NUDT12: variants seen among roughly 807,000 people sequenced by gnomAD.
The protein encoded by NUDT12 is nudix hydrolase 12.
NUDT12 carries 42 observed loss-of-function variants against 45.7 expected under a neutral mutation model. The observed-to-expected ratio is 0.92, with a 90% CI of 0.72 to 1.19. NUDT12 has a LOEUF of 1.19. NUDT12 is among the 50% of genes most tolerant of loss of function. The pLI, the probability that NUDT12 is intolerant of heterozygous loss-of-function variation, is 0.00. For synonymous variants in NUDT12, 206 were observed against 179.7 expected (o/e 1.15, Z -1.17); for missense variants, 590 against 533.1 (o/e 1.11, Z -1.05).
chr5:103,554,544 A>G, intron 5 of NUDT12, 196 bp downstream of exon 5: 1 of 292,330 alleles, frequency 3.4e-6, no homozygotes, highest in African/African-American at 2.2e-5. Flanking sequence ...ATTACTAGGA[A>G]AAGTAATTTA....
intron 5 of NUDT12, among the ~76,000 whole-genome samples, chr5:103,552,809 A>G (rs1220368466): frequency 1.3e-5 from 2 of 152,156 alleles, no homozygotes; most frequent in Non-Finnish European, 2.9e-5. Context: ...CTTTCACACT[A>G]AAATTCTGAA....
Position 103,556,061 on chromosome 5 carries a change from G to T in NUDT12, c.834C>A (p.His278Gln), listed in dbSNP as rs774532581. The T allele has an allele frequency of 6.2e-7, 1 of 1,611,606 alleles. No individual in the cohort carries two copies. ...VAQARSVLAWHSRYKFCPTCG... is the reference protein window; with the variant it reads ...VAQARSVLAWQSRYKFCPTCG... ...AGGTTGGGCAAAACTTGTATCGACTGTGCCAGGCAAGAACAGATCTTGCTT... is the reference window on the plus strand; with the variant it reads ...AGGTTGGGCAAAACTTGTATCGACTTTGCCAGGCAAGAACAGATCTTGCTT... Residue 278 changes from histidine to glutamine, a missense_variant, in exon 4 of 7, where the codon CAC becomes CAA. Transcript: ENST00000230792.
chr5:103,556,673 G>A (rs1748831482), intron 3 of NUDT12, among the ~76,000 whole-genome samples: 1 of 152,038 alleles, frequency 6.6e-6, no homozygotes, highest in Non-Finnish European at 1.5e-5. Context: ...ACCAAAAAAT[G>A]CCTAATAGGA....
chr5:103,550,888 G>C lies in NUDT12; in HGVS notation c.1362C>G (p.His454Gln), dbSNP rs763336591. Residue 454 changes from histidine (H) to glutamine (Q), a missense_variant, in exon 7 of 7, where the codon CAC becomes CAG. Physicochemically the swap from His to Gln is conservative, Grantham distance 24 (BLOSUM62 0). Transcript: ENST00000230792. The part of the protein sequence containing the change: ...SRAIAHQLIK[H>Q]WIRINPNL The stretch of plus-strand genomic sequence containing the variant: ...AGAGATTAGGATTTATTCTAATCCA[G>C]TGTTTGATTAATTGATGTGCAATAG... 2 of 1,612,260 alleles carry C rather than the reference G, an allele frequency of 1.2e-6. No individual in the cohort carries two copies. Among genetic ancestry groups the C allele is most frequent in the Admixed American group, 3.3e-5 (2 of 59,900 alleles).
chr5:103,551,519 CG>C (rs1199679377), intron 6 of NUDT12, among the ~76,000 whole-genome samples: 2 of 152,052 alleles, frequency 1.3e-5, no homozygotes, highest in Non-Finnish European at 2.9e-5. Flanking sequence ...AATGACATCA[CG>C]AAAAAGCAAA....
intron 3 of NUDT12, 45 bp from the exon 4 acceptor site, chr5:103,556,143 T>C: frequency 7.2e-7 from 1 of 1,381,050 alleles, no homozygotes. Flanking sequence ...CTGTAAGAAA[T>C]TAAAATCAAT....
intron 3 of NUDT12, 58 bp from the exon 4 acceptor site, chr5:103,556,156 A>G: frequency 8.0e-7 from 1 of 1,257,608 alleles, no homozygotes; most frequent in East Asian, 2.7e-5. Context: ...AAATCAATAT[A>G]TAAGTAAAAT....
chr5:103,562,147 G>C (rs1749051684), intron 1 of NUDT12, among the ~76,000 whole-genome samples: 2 of 152,150 alleles, frequency 1.3e-5, no homozygotes, highest in Non-Finnish European at 2.9e-5. Context: ...AAGAATATTA[G>C]ATGTAAAGGG....
In NUDT12 at chr5:103,550,848, T is replaced by G. The variant is rs1748633272; in HGVS notation, c.*13A>C. ...GAAATTATTAAATAATACTCAAAGC[T>G]TAGTTCTTAGATTTAGAGATTAGGA... On this transcript the variant is annotated 3_prime_UTR_variant, in exon 7 of 7. Transcript: ENST00000230792. 1 of 1,530,222 alleles carries G rather than the reference T, an allele frequency of 6.5e-7. No individual in the cohort carries two copies. The highest frequency in any genetic ancestry group is 1.1e-5 in the South Asian group (1 of 89,388). 94.8% of individuals were successfully genotyped at this position (1,530,222 alleles called of 1,614,324 possible). A position where few individuals can be genotyped will look rare whatever the true frequency, so the allele number is the denominator to read the frequency against.
At chr5:103,557,280 G>GAT (rs10593905) in intron 3 of NUDT12, among the ~76,000 whole-genome samples, 3,056 of 118,896 alleles carry the variant, frequency 0.026, 147 homozygotes, top group African/African-American at 0.071. Context: ...ATCTTAAAAT[G>GAT]ATATATATAT....
rs143442878 is a variant in NUDT12 at position 103,550,620 on chromosome 5, C to G, written c.*241G>C. On this transcript the variant is annotated 3_prime_UTR_variant, in exon 7 of 7. Transcript: ENST00000230792. Reference sequence around the variant, plus strand: ...TAAAACTGTGAAGGAAGAAAAGAAACCAAGAGAGAAAAAGTTCAGAGAAGA... The same window carrying G: ...TAAAACTGTGAAGGAAGAAAAGAAAGCAAGAGAGAAAAAGTTCAGAGAAGA... 1.3e-4 allele frequency: 42 copies of G among 315,970 alleles called. No individual in the cohort carries two copies. The highest frequency in any genetic ancestry group is 8.9e-4 in the African/African-American group (42 of 47,110). The allele number at this position is 315,970 out of a possible 1,614,324, so 19.6% of individuals were successfully genotyped here.
chr5:103,554,922 G>A, intron 4 of NUDT12, 69 bp from the exon 5 acceptor site: 1 of 595,468 alleles, frequency 1.7e-6, no homozygotes, highest in East Asian at 3.0e-5. Flanking sequence ...TACAAACACT[G>A]TCTGATAGGA....
chr5:103,555,639 G>A (rs1372734912), intron 4 of NUDT12, among the ~76,000 whole-genome samples: 4 of 151,956 alleles, frequency 2.6e-5, no homozygotes, highest in Admixed American at 2.6e-4. Flanking sequence ...GCAATAAATT[G>A]TACTTAGTGG....
intron 6 of NUDT12, among the ~76,000 whole-genome samples, chr5:103,551,234 C>T (rs1438822670): frequency 6.6e-6 from 1 of 151,868 alleles, no homozygotes; most frequent in Non-Finnish European, 1.5e-5. Flanking sequence ...GATCCTCCTG[C>T]CACAGCCTCC....
chr5:103,551,711 ATTAT>A (rs1294741204), intron 6 of NUDT12, among the ~76,000 whole-genome samples: 2 of 152,166 alleles, frequency 1.3e-5, no homozygotes, highest in African/African-American at 2.4e-5. Context: ...CTTTTAATAT[ATTAT>A]TTAGGAATGA....
chr5:103,555,592 G>C (rs1012434935), intron 4 of NUDT12, among the ~76,000 whole-genome samples: 1 of 151,952 alleles, frequency 6.6e-6, no homozygotes, highest in African/African-American at 2.4e-5. Flanking sequence ...TGAAAAGCTA[G>C]GGCCAGGCTG....
chr5:103,551,832 TACTG>T (rs1478597139), intron 6 of NUDT12, among the ~76,000 whole-genome samples: 1 of 152,212 alleles, frequency 6.6e-6, no homozygotes, highest in Middle Eastern at 3.2e-3. Flanking sequence ...TTTAAGCACT[TACTG>T]ATGTTTTTTG....
chr5:103,551,054 A>G (rs1234583517), intron 6 of NUDT12, 83 bp from the exon 7 acceptor site: 1 of 954,294 alleles, frequency 1.0e-6, no homozygotes, highest in Non-Finnish European at 1.7e-6. Flanking sequence ...TAATTCAATT[A>G]AAATGTGATG....
In NUDT12 at chr5:103,559,093, G is replaced by A. The variant is rs776756918; in HGVS notation, c.582C>T (p.Ile194=). 3 of 1,612,620 alleles carry A rather than the reference G, an allele frequency of 1.9e-6. No individual in the cohort carries two copies. Among genetic ancestry groups the A allele is most frequent in the Non-Finnish European group, 2.5e-6 (3 of 1,179,360 alleles). ...IKDYLAQPEK[I]TLIFLGVELE... ...GTTCTACTCCAAGAAAAATCAAGGTGATCTTCTCAGGCTGGGCCAAATAAT... is the reference window on the plus strand; with the variant it reads ...GTTCTACTCCAAGAAAAATCAAGGTAATCTTCTCAGGCTGGGCCAAATAAT... The change falls in exon 3 of 7, where the codon ATC becomes ATT. Residue 194 remains isoleucine (I), a synonymous_variant. Coordinates refer to ENST00000230792, the MANE Select transcript of NUDT12 (RefSeq NM_031438.4).
Sources: gnomAD v4.1 joint callset for allele counts (sites outside exome capture counted in the v4.1 genomes callset) on GRCh38, gnomAD v4.1.1 for gene constraint, MANE v1.5 for transcripts, NCBI Gene and HGNC (gene_info 2026-07-23, HGNC 2026-07-21) for gene names.